The following CCDC138 variants were observed in gnomAD, a reference collection of about 807,000 sequenced individuals.
CCDC138 encodes the protein coiled-coil domain containing 138.
A neutral mutation model predicts 82.3 loss-of-function variants in CCDC138; 66 were observed. The ratio of observed to expected loss-of-function variants is 0.80; its 90% CI spans 0.66 to 0.98. CCDC138 has a LOEUF of 0.98. CCDC138 is among the 50% of genes least tolerant of loss of function. The pLI is 0.00. For missense variants in CCDC138, 816 were observed against 758.9 expected (o/e 1.08, Z -0.88); for synonymous variants, 297 against 265.4 (o/e 1.12, Z -1.16).
At chr2:108,867,330 A>G (rs1461248291) in intron 13 of CCDC138, among the ~76,000 whole-genome samples, 1 of 152,212 alleles carries the variant, frequency 6.6e-6, no homozygotes, top group African/African-American at 2.4e-5. Context: ...TGGCAGCACT[A>G]ATGTGTCTTT....
At chr2:108,837,883 T>G (rs923593750) in intron 10 of CCDC138, among the ~76,000 whole-genome samples, 8 of 152,142 alleles carry the variant, frequency 5.3e-5, no homozygotes, top group African/African-American at 1.9e-4. Context: ...AAAATACTAT[T>G]TAGAGATTTC....
intron 13 of CCDC138, among the ~76,000 whole-genome samples, chr2:108,872,334 G>A (rs747908005): frequency 2.0e-5 from 3 of 151,768 alleles, no homozygotes; most frequent in Non-Finnish European, 2.9e-5. Flanking sequence ...TTCTTAACTC[G>A]TTCCACCACC....
At chr2:108,818,179 G>A (rs189573881) in intron 10 of CCDC138, among the ~76,000 whole-genome samples, 116 of 152,150 alleles carry the variant, frequency 7.6e-4, no homozygotes, top group African/African-American at 2.6e-3. Context: ...GGTGGCACGC[G>A]CCTATAACCC....
Position 108,846,736 on chromosome 2 carries a change from A to T in CCDC138, c.1324-2A>T, listed in dbSNP as rs1230133714. The T allele has an allele frequency of 3.1e-6, 5 of 1,597,372 alleles. No individual in the cohort carries two copies. The highest frequency in any genetic ancestry group is 4.3e-6 in the Non-Finnish European group (5 of 1,174,280). On this transcript the variant is annotated splice_acceptor_variant, in intron 11 of 14. Transcript: ENST00000295124. LOFTEE classifies it high-confidence loss of function. ...TACTAAGATTGTACATATTTTTAAC[A>T]GCACTCGACTATGACATCAACATTG...
chr2:108,839,486 A>G (rs1304736855), intron 11 of CCDC138, among the ~76,000 whole-genome samples, 185 bp downstream of exon 11: 2 of 152,162 alleles, frequency 1.3e-5, no homozygotes, highest in African/African-American at 4.8e-5. Flanking sequence ...AATAATTGAC[A>G]TCTTTCCTTT....
chr2:108,856,636 C>A, intron 12 of CCDC138, 158 bp from the exon 13 acceptor site: 1 of 199,478 alleles, frequency 5.0e-6, no homozygotes. Context: ...TGAGTTCTGA[C>A]AAATCAGTTA....
intron 10 of CCDC138, among the ~76,000 whole-genome samples, chr2:108,836,886 C>T (rs954300071): frequency 6.6e-6 from 1 of 151,422 alleles, no homozygotes; most frequent in Non-Finnish European, 1.5e-5. Flanking sequence ...TGTATGGAAA[C>T]ACAAGTGATT....
chr2:108,793,746 G>A (rs1377931310), intron 4 of CCDC138, among the ~76,000 whole-genome samples: 1 of 151,626 alleles, frequency 6.6e-6, no homozygotes, highest in Non-Finnish European at 1.5e-5. Flanking sequence ...ACAGGCACCC[G>A]CCATCACGCC....
At chr2:108,818,511 T>C (rs922305776) in intron 10 of CCDC138, among the ~76,000 whole-genome samples, 1 of 152,176 alleles carries the variant, frequency 6.6e-6, no homozygotes, top group Non-Finnish European at 1.5e-5. Flanking sequence ...ACTTAATTAC[T>C]ATATAATAAT....
At chr2:108,849,544 G>A (rs78833506) in intron 12 of CCDC138, among the ~76,000 whole-genome samples, 7,104 of 152,094 alleles carry the variant, frequency 0.047, 532 homozygotes, top group African/African-American at 0.16. Context: ...GCCCTGACAC[G>A]TCTCCCTGCC....
At chr2:108,849,419 T>C (rs895378921) in intron 12 of CCDC138, among the ~76,000 whole-genome samples, 6 of 152,192 alleles carry the variant, frequency 3.9e-5, no homozygotes, top group Non-Finnish European at 8.8e-5. Context: ...TAGATACATG[T>C]GTGCCATCCC....
chr2:108,832,547 T>C (rs1195789270), intron 10 of CCDC138, among the ~76,000 whole-genome samples: 1 of 151,948 alleles, frequency 6.6e-6, no homozygotes, highest in Non-Finnish European at 1.5e-5. Context: ...GGGTTTCTCC[T>C]TGTTGGTCAG....
intron 12 of CCDC138, among the ~76,000 whole-genome samples, chr2:108,851,105 C>T (rs1399471958): frequency 6.6e-6 from 1 of 152,074 alleles, no homozygotes; most frequent in Admixed American, 6.5e-5. Context: ...TCATAGAACT[C>T]AGCGAAACAC....
intron 13 of CCDC138, among the ~76,000 whole-genome samples, chr2:108,862,498 G>C (rs1574281760): frequency 6.6e-6 from 1 of 152,112 alleles, no homozygotes; most frequent in East Asian, 1.9e-4. Context: ...GGTGATTACA[G>C]TTAATAACAA....
chr2:108,835,639 C>A (rs1415355240), intron 10 of CCDC138, among the ~76,000 whole-genome samples: 3 of 152,274 alleles, frequency 2.0e-5, no homozygotes, highest in East Asian at 3.9e-4. Flanking sequence ...CATATAATTT[C>A]TCAAACTGTG....
downstream of CCDC138, among the ~76,000 whole-genome samples, chr2:108,877,480 A>G (rs1215741278): frequency 1.3e-5 from 2 of 152,016 alleles, no homozygotes; most frequent in African/African-American, 4.8e-5. Flanking sequence ...AAATAAAAAT[A>G]AATAAATAAA....
chr2:108,856,510 A>G (rs1692625815), intron 12 of CCDC138, among the ~76,000 whole-genome samples: 1 of 152,238 alleles, frequency 6.6e-6, no homozygotes, highest in Non-Finnish European at 1.5e-5. Context: ...TGATACTAAT[A>G]GGCATTGTTT....
intron 11 of CCDC138, 53 bp from the exon 12 acceptor site, chr2:108,846,685 A>G: frequency 6.7e-7 from 1 of 1,486,158 alleles, no homozygotes; most frequent in Non-Finnish European, 9.2e-7. Flanking sequence ...TCAAAAAAAA[A>G]GATATATTCT....
intron 9 of CCDC138, among the ~76,000 whole-genome samples, chr2:108,813,832 CCT>C (rs1684307475): frequency 6.6e-6 from 1 of 152,094 alleles, no homozygotes; most frequent in Non-Finnish European, 1.5e-5. Context: ...ATTAGTTTTG[CCT>C]GTTTGAGACA....
Sources: gnomAD v4.1 joint callset for allele counts (sites outside exome capture counted in the v4.1 genomes callset) on GRCh38, gnomAD v4.1.1 for gene constraint, MANE v1.5 for transcripts, NCBI Gene and HGNC (gene_info 2026-07-23, HGNC 2026-07-21) for gene names.